RBMS3: variants seen among roughly 807,000 people sequenced by gnomAD.
RBMS3 encodes RNA binding motif single stranded interacting protein 3, also known as RNA-binding motif, single-stranded-interacting protein 3.
In RBMS3, 27 loss-of-function variants were observed where a neutral mutation model predicts 66.8. The ratio of observed to expected loss-of-function variants is 0.40; its 90% CI spans 0.30 to 0.56. RBMS3 has a LOEUF of 0.56. Ranked by LOEUF, RBMS3 falls within the 20% of genes least tolerant of loss-of-function variation. RBMS3 has a pLI of 0.40. For missense variants in RBMS3, 513 were observed against 549.5 expected, an observed-to-expected ratio of 0.93 and a Z score of 0.66; for synonymous variants, 188 against 183.0, an observed-to-expected ratio of 1.03 and a Z score of -0.22.
intron 1 of RBMS3, among the ~76,000 whole-genome samples, chr3:29,306,806 C>G (rs943876022): frequency 5.3e-5 from 8 of 151,968 alleles, no homozygotes; most frequent in African/African-American, 1.9e-4. Context: ...TGGAGTCTTT[C>G]TCAGTTCTTT....
At chr3:29,586,632 T>G in intron 3 of RBMS3, among the ~76,000 whole-genome samples, 1 of 152,148 alleles carries the variant, frequency 6.6e-6, no homozygotes, top group East Asian at 1.9e-4. Flanking sequence ...AGTCAACATG[T>G]ATTTATTGAA....
intron 12 of RBMS3, among the ~76,000 whole-genome samples, chr3:29,972,916 G>A (rs1697317562): frequency 6.6e-6 from 1 of 152,028 alleles, no homozygotes; most frequent in African/African-American, 2.4e-5. Context: ...TCTTTTTGAT[G>A]AAGTCCCTCA....
At chr3:29,518,392 G>T (rs1266085635) in intron 3 of RBMS3, among the ~76,000 whole-genome samples, 1 of 152,138 alleles carries the variant, frequency 6.6e-6, no homozygotes, top group Non-Finnish European at 1.5e-5. Flanking sequence ...TCTTGTTTTA[G>T]TCAGTAAAGT....
intron 6 of RBMS3, among the ~76,000 whole-genome samples, chr3:29,778,256 C>T (rs1021383981): frequency 1.3e-5 from 2 of 151,784 alleles, no homozygotes; most frequent in African/African-American, 4.8e-5. Context: ...TTAAACATTT[C>T]CTGCTTTCTG....
At chr3:29,697,151 G>A (rs1272242985) in intron 4 of RBMS3, 1 of 969,646 alleles carries the variant, frequency 1.0e-6, no homozygotes, top group African/African-American at 1.8e-5. Context: ...CAGTAATATG[G>A]ATCTAAGTTT....
chr3:29,720,125 C>A (rs981924427), intron 4 of RBMS3, among the ~76,000 whole-genome samples: 2 of 151,236 alleles, frequency 1.3e-5, no homozygotes, highest in African/African-American at 4.8e-5. Flanking sequence ...CTCTGTTGCA[C>A]CCACATTGGC....
At chr3:29,763,263 T>A (rs1163758656) in intron 6 of RBMS3, among the ~76,000 whole-genome samples, 1 of 152,090 alleles carries the variant, frequency 6.6e-6, no homozygotes, top group Non-Finnish European at 1.5e-5. Flanking sequence ...GTGCTGGAAG[T>A]GATAGAATTT....
At chr3:29,529,104 C>T (rs115852847) in intron 3 of RBMS3, among the ~76,000 whole-genome samples, 16 of 151,942 alleles carry the variant, frequency 1.1e-4, no homozygotes, top group African/African-American at 3.6e-4. Flanking sequence ...ATGTTGTCTT[C>T]GAGAAAAAAT....
At chr3:29,522,898 T>C (rs990509345) in intron 3 of RBMS3, among the ~76,000 whole-genome samples, 3 of 152,166 alleles carry the variant, frequency 2.0e-5, no homozygotes, top group Non-Finnish European at 4.4e-5. Context: ...GTCCTCTGAA[T>C]GCAGAATTCC....
chr3:29,298,244 G>A (rs571265847), intron 1 of RBMS3, among the ~76,000 whole-genome samples: 4 of 151,972 alleles, frequency 2.6e-5, no homozygotes, highest in African/African-American at 9.6e-5. Flanking sequence ...TACTCACTGA[G>A]CAATATATTT....
intron 1 of RBMS3, among the ~76,000 whole-genome samples, chr3:29,368,362 C>T (rs1404672879): frequency 6.6e-6 from 1 of 152,056 alleles, no homozygotes; most frequent in African/African-American, 2.4e-5. Flanking sequence ...GAAAGTGAAA[C>T]AGGTTGATCT....
rs11457821 is a variant in RBMS3 at position 29,646,612 on chromosome 3, GT to G, written c.399+59416del. On this transcript the variant is annotated intron_variant, in intron 4 of 14. Transcript: ENST00000383767. ...GTTTAAGTTTCTTAACAATTTTTAT[GT>G]TTTTTTTTCATACCAAATCATTTCT... is the stretch of plus-strand genomic sequence containing the variant. 1.6e-4 allele frequency among the ~76,000 whole-genome samples: 24 copies of G among 147,096 alleles called. 1 individual carries two copies. The highest frequency in any genetic ancestry group is 3.7e-4 in the African/African-American group (15 of 40,136).
chr3:29,341,529 T>G (rs1003584791), intron 1 of RBMS3, among the ~76,000 whole-genome samples: 20 of 152,160 alleles, frequency 1.3e-4, no homozygotes, highest in Non-Finnish European at 2.2e-4. Context: ...TTAAGTAATA[T>G]AATAAATATT....
chr3:29,377,081 C>G (rs1315765688), intron 1 of RBMS3, among the ~76,000 whole-genome samples: 1 of 150,674 alleles, frequency 6.6e-6, no homozygotes, highest in Non-Finnish European at 1.5e-5. Context: ...AAGAGCAAAA[C>G]TCTGTCTCAG....
intron 6 of RBMS3, among the ~76,000 whole-genome samples, chr3:29,810,792 G>C (rs1293874711): frequency 6.6e-6 from 1 of 151,976 alleles, no homozygotes; most frequent in Non-Finnish European, 1.5e-5. Context: ...CAAGTAACAG[G>C]TTCATGATAT....
chr3:29,732,803 C>T (rs1207165493), intron 4 of RBMS3, among the ~76,000 whole-genome samples: 1 of 151,952 alleles, frequency 6.6e-6, no homozygotes, highest in Non-Finnish European at 1.5e-5. Flanking sequence ...AATCTTGCTC[C>T]CTTGCATCCA....
Position 29,760,360 on chromosome 3 carries a change from T to C in RBMS3, c.558-2550T>C, listed in dbSNP as rs533249695. ...CCATTTTAAGACAAAGGATTTGATT[T>C]GTAGGACTCTTGCAAGCAAGCTTTA... On this transcript the variant is annotated intron_variant, in intron 5 of 14. Transcript: ENST00000383767. 2.2e-4 allele frequency among the ~76,000 whole-genome samples: 34 copies of C among 152,214 alleles called. No homozygotes were observed. The Middle Eastern group carries it at 0.014, about 61-fold the overall frequency.
chr3:29,446,634 C>T (rs2041841667), intron 2 of RBMS3, among the ~76,000 whole-genome samples: 1 of 152,042 alleles, frequency 6.6e-6, no homozygotes, highest in Admixed American at 6.5e-5. Flanking sequence ...AGTGCATAAA[C>T]ATGTCATAAT....
chr3:29,527,079 T>G (rs2045144203), intron 3 of RBMS3, among the ~76,000 whole-genome samples: 1 of 151,408 alleles, frequency 6.6e-6, no homozygotes, highest in African/African-American at 2.4e-5. Flanking sequence ...CTGTGCTGAT[T>G]CTGAAATATT....
Sources: gnomAD v4.1 joint callset for allele counts (sites outside exome capture counted in the v4.1 genomes callset) on GRCh38, gnomAD v4.1.1 for gene constraint, MANE v1.5 for transcripts, NCBI Gene and HGNC (gene_info 2026-07-23, HGNC 2026-07-21) for gene names.